ATG12: variants seen among roughly 807,000 people sequenced by gnomAD.
ATG12 encodes the protein ubiquitin-like protein ATG12.
A neutral mutation model predicts 17.6 loss-of-function variants in ATG12; 19 were observed. That is an observed-to-expected ratio of 1.08 (90% CI 0.75 to 1.58). The LOEUF is 1.58. ATG12 is among the 40% of genes most tolerant of loss of function. ATG12 has a pLI of 0.00. For synonymous variants in ATG12, 75 were observed against 62.4 expected, an observed-to-expected ratio of 1.20 and a Z score of -0.95; for missense variants, 214 against 162.0, an observed-to-expected ratio of 1.32 and a Z score of -1.74.
chr5:115,832,247 G>C (rs538756075), intron 3 of ATG12, among the ~76,000 whole-genome samples: 4 of 152,126 alleles, frequency 2.6e-5, no homozygotes, highest in South Asian at 2.1e-4. Flanking sequence ...TCAATTTCTT[G>C]TAGGCAGATT....
chr5:115,840,248 T>G (rs1158582188), intron 1 of ATG12, among the ~76,000 whole-genome samples: 1 of 151,896 alleles, frequency 6.6e-6, no homozygotes, highest in Non-Finnish European at 1.5e-5. Context: ...GGGAGAGAAT[T>G]ATCCTCCACA....
rs185917193 is a variant in ATG12, at chr5:115,829,088, T to G, written c.*2716A>C. The G allele has an allele frequency of 1.3e-5, 2 of 152,328 alleles. No homozygotes were observed. The highest frequency in any genetic ancestry group is 1.3e-4 in the Admixed American group (2 of 15,306). The allele number at this position is 152,328 out of a possible 1,614,324, so 9.4% of individuals were successfully genotyped here. ...TTAAATAATGTAGGCAGAGTATTTA[T>G]ATAAATACGATTTGAACTGTATTCA... On this transcript the variant is annotated 3_prime_UTR_variant, in exon 4 of 4. Transcript: ENST00000509910.
In ATG12 at chr5:115,840,759, A is replaced by T. The variant is rs112236182; in HGVS notation, c.163+631T>A. 3.1e-5 allele frequency: 36 copies of T among 1,179,648 alleles called. No homozygotes were observed. In the African/African-American group the frequency reaches 5.3e-4, roughly 17 times the overall value. 73.1% of individuals were successfully genotyped at this position (1,179,648 alleles called of 1,614,324 possible). On this transcript the variant is annotated intron_variant, in intron 1 of 3. Coordinates refer to ENST00000509910, the MANE Select transcript of ATG12 (RefSeq NM_004707.4). ...TTTTAGCAATCTCTTTTACAAAGGGAAACATTCTCAAGCAATAAAGGGTTG... is the reference window on the plus strand; with the variant it reads ...TTTTAGCAATCTCTTTTACAAAGGGTAACATTCTCAAGCAATAAAGGGTTG...
intron 2 of ATG12, 97 bp downstream of exon 2, chr5:115,837,531 G>T (rs1417796903): frequency 1.6e-6 from 2 of 1,263,412 alleles, no homozygotes; most frequent in South Asian, 1.3e-5. Context: ...AGCGACATAT[G>T]TGGCTCCATA....
chr5:115,832,283 T>C (rs1488654190), intron 3 of ATG12, among the ~76,000 whole-genome samples: 1 of 152,128 alleles, frequency 6.6e-6, no homozygotes, highest in Non-Finnish European at 1.5e-5. Context: ...AAGAACAATG[T>C]AGAAGAAATC....
chr5:115,839,294 C>T (rs1304587574), intron 1 of ATG12: 1 of 142,918 alleles, frequency 7.0e-6, no homozygotes, highest in Non-Finnish European at 1.5e-5. Flanking sequence ...AAGTTTACTC[C>T]TGGAATGAAC....
Position 115,841,419 on chromosome 5 carries a change from T to C in ATG12, c.134A>G (p.Glu45Gly). Reference sequence around the variant, plus strand: ...TTTCTTGGTGTCGCCAGCAGGTTCCTCTGTTCCCGGGGAAACTGCAGCGGA... The same window carrying C: ...TTTCTTGGTGTCGCCAGCAGGTTCCCCTGTTCCCGGGGAAACTGCAGCGGA... ...PSSAAVSPGT[E>G]EPAGDTKKKI... is the part of the protein sequence containing the mutation. Residue 45 changes from glutamate to glycine, a missense_variant, in exon 1 of 4, where the codon GAG becomes GGG. Glu to Gly is a moderately conservative substitution (Grantham distance 98). Coordinates refer to ENST00000509910, the MANE Select transcript of ATG12 (RefSeq NM_004707.4). The C allele has an allele frequency of 6.2e-7, 1 of 1,610,624 alleles. No homozygotes were observed. Among genetic ancestry groups the C allele is most frequent in the Non-Finnish European group, 8.5e-7 (1 of 1,179,258 alleles).
rs1419454483 is a variant in ATG12 at position 115,838,669 on chromosome 5, A to C, written c.164-905T>G. The C allele has an allele frequency of 2.6e-5, 4 of 152,258 alleles. No individual in the cohort carries two copies. The East Asian group carries it at 7.7e-4, about 29-fold the overall frequency. The allele number at this position is 152,258 out of a possible 1,614,324, so 9.4% of individuals were successfully genotyped here. ...AGCAATAAGTTATTAACAATAGAAC[A>C]ACCAAAGCCAAAAAGAAGTTGCAGA... On this transcript the variant is annotated intron_variant, in intron 1 of 3. Coordinates refer to ENST00000509910, the MANE Select transcript of ATG12 (RefSeq NM_004707.4).
intron 3 of ATG12, 33 bp downstream of exon 3, chr5:115,832,569 T>C: frequency 2.0e-6 from 2 of 981,338 alleles, no homozygotes; most frequent in Non-Finnish European, 1.3e-6. Context: ...AGTAATTTCT[T>C]TCTTTTTTTT....
intron 2 of ATG12, chr5:115,834,086 G>T (rs1315575722): frequency 6.6e-6 from 1 of 152,162 alleles, no homozygotes; most frequent in Middle Eastern, 3.1e-3. Flanking sequence ...CCTAGCAAAA[G>T]GGTCAGTGAT....
chr5:115,838,072 T>G (rs1761179437), intron 1 of ATG12: 1 of 224,254 alleles, frequency 4.5e-6, no homozygotes, highest in African/African-American at 2.3e-5. Context: ...AGTAAAATAA[T>G]GTCATGTCCC....
intron 3 of ATG12, 44 bp downstream of exon 3, chr5:115,832,558 C>T: frequency 7.4e-7 from 1 of 1,347,180 alleles, no homozygotes; most frequent in Non-Finnish European, 9.5e-7. Flanking sequence ...GAAAAAAAAG[C>T]AGTAATTTCT....
chr5:115,841,279 T>C, intron 1 of ATG12, 111 bp downstream of exon 1: 1 of 1,396,790 alleles, frequency 7.2e-7, no homozygotes, highest in Non-Finnish European at 9.8e-7. Context: ...CTGGTCAAAA[T>C]GCAGGTCTAG....
chr5:115,834,260 G>C (rs191480932), intron 2 of ATG12: 1 of 152,296 alleles, frequency 6.6e-6, no homozygotes, highest in African/African-American at 2.4e-5. Flanking sequence ...ATGTGATTTT[G>C]TAACAGGTGT....
chr5:115,838,461 C>G (rs1468218333), intron 1 of ATG12: 1 of 152,156 alleles, frequency 6.6e-6, no homozygotes, highest in East Asian at 1.9e-4. Flanking sequence ...TTTAATCTCT[C>G]CAACAGCATG....
In ATG12 at chr5:115,830,942, A is replaced by AAATAT. The variant is rs1760845168; in HGVS notation, c.*857_*861dup. 6.6e-6 allele frequency: 1 copy of AAATAT among 152,228 alleles called. No homozygotes were observed. The highest frequency in any genetic ancestry group is 2.4e-5 in the African/African-American group (1 of 41,458). The allele number at this position is 152,228 out of a possible 1,614,324, so 9.4% of individuals were successfully genotyped here. The stretch of plus-strand genomic sequence containing the variant: ...AAATGGCACTTTTAGTCATGGCATA[A>AAATAT]AATATACAATAAGGCTATTTTTCAA... On this transcript the variant is annotated 3_prime_UTR_variant, in exon 4 of 4. Transcript: ENST00000509910.
chr5:115,830,655 G>A lies in ATG12; in HGVS notation c.*1149C>T, dbSNP rs945730794. On this transcript the variant is annotated 3_prime_UTR_variant, in exon 4 of 4. Coordinates refer to ENST00000509910, the MANE Select transcript of ATG12 (RefSeq NM_004707.4). ...ACTTCTGGGCTCAGGGGATCCTCTT[G>A]CCTCTGCAGCCTAATAATTTTTTTT... 3 of 151,864 alleles carry A rather than the reference G, an allele frequency of 2.0e-5. No homozygotes were observed. Among genetic ancestry groups the A allele is most frequent in the Non-Finnish European group, 4.4e-5 (3 of 67,990 alleles). The allele number at this position is 151,864 out of a possible 1,614,324, so 9.4% of individuals were successfully genotyped here.
At chr5:115,834,335 C>T (rs1259449126) in intron 2 of ATG12, 1 of 152,178 alleles carries the variant, frequency 6.6e-6, no homozygotes, top group East Asian at 1.9e-4. Context: ...AATCTGTTTG[C>T]ATACTATAAA....
rs1482433187 is a variant in ATG12 at position 115,829,583 on chromosome 5, T to C, written c.*2221A>G. The C allele has an allele frequency of 6.6e-6, 1 of 152,242 alleles. No homozygotes were observed. Among genetic ancestry groups the C allele is most frequent in the East Asian group, 1.9e-4 (1 of 5,202 alleles). 9.4% of individuals were successfully genotyped at this position (152,242 alleles called of 1,614,324 possible). ...CTATGCACAGTAAGATGAAGCATGA[T>C]ATTAATGACATCTATTTAGTCACAA... On this transcript the variant is annotated 3_prime_UTR_variant, in exon 4 of 4. Transcript: ENST00000509910.
Sources: gnomAD v4.1 joint callset for allele counts (sites outside exome capture counted in the v4.1 genomes callset) on GRCh38, gnomAD v4.1.1 for gene constraint, MANE v1.5 for transcripts, NCBI Gene and HGNC (gene_info 2026-07-23, HGNC 2026-07-21) for gene names.